The following RMND1 variants were observed in gnomAD, a reference collection of about 807,000 sequenced individuals.
RMND1 encodes the protein required for meiotic nuclear division protein 1 homolog.
A neutral mutation model predicts 54.0 loss-of-function variants in RMND1; 41 were observed. The observed-to-expected ratio is 0.76, with a 90% CI of 0.59 to 0.98. The LOEUF is 0.98. RMND1 is among the 50% of genes least tolerant of loss of function. The probability of loss-of-function intolerance (pLI) is 0.00; values close to 1 mark genes in which losing one functional copy is unlikely to be tolerated. For synonymous variants in RMND1, 183 were observed against 181.7 expected (o/e 1.01, Z -0.06); for missense variants, 457 against 532.0 (o/e 0.86, Z 1.39).
rs1780181781 is a variant in RMND1 at position 151,422,548 on chromosome 6, A to G, written c.995T>C (p.Ile332Thr). The G allele has an allele frequency of 6.6e-7, 1 of 1,507,364 alleles. No homozygotes were observed. 93.4% of individuals were successfully genotyped at this position (1,507,364 alleles called of 1,614,324 possible). ...TAAAATTGATATAATTACCTCAGGA[A>G]TTGACTGAATAGATTCAATAAATTT... ...LDKFIESIQS[I>T]PEALKAGKKV... The change falls in exon 8 of 12, where the codon ATT (isoleucine) becomes ACT (threonine). Residue 332 changes from isoleucine to threonine, a missense_variant. Ile to Thr is a moderately conservative substitution (Grantham distance 89). Transcript: ENST00000444024.
chr6:151,418,150 A>T (rs1203521429), intron 9 of RMND1, among the ~76,000 whole-genome samples: 1 of 152,106 alleles, frequency 6.6e-6, no homozygotes, highest in Non-Finnish European at 1.5e-5. Context: ...ATGGTGGTTC[A>T]TGCCTGTAAT....
chr6:151,434,539 A>G (rs1484684155), intron 3 of RMND1, among the ~76,000 whole-genome samples: 1 of 152,198 alleles, frequency 6.6e-6, no homozygotes. Context: ...TGTGAAGCAC[A>G]GACCACACAG....
chr6:151,416,114 G>A (rs983691939), intron 10 of RMND1, among the ~76,000 whole-genome samples: 3 of 151,842 alleles, frequency 2.0e-5, no homozygotes, highest in Non-Finnish European at 4.4e-5. Context: ...GAGTAGCTGG[G>A]ACTACAGGCA....
intron 10 of RMND1, chr6:151,417,047 A>G: frequency 5.3e-6 from 2 of 374,134 alleles, no homozygotes; most frequent in South Asian, 4.9e-5. Context: ...CTGATGGACC[A>G]TTAGGCTTCC....
intron 2 of RMND1, among the ~76,000 whole-genome samples, chr6:151,440,884 C>T (rs1231034824): frequency 2.6e-5 from 4 of 151,812 alleles, no homozygotes; most frequent in Non-Finnish European, 5.9e-5. Flanking sequence ...TTTATACATC[C>T]TTTTCTGGAT....
chr6:151,410,714 C>CAATTCAAACCTGAGT (rs1779803691), intron 10 of RMND1, among the ~76,000 whole-genome samples: 1 of 152,138 alleles, frequency 6.6e-6, no homozygotes, highest in Non-Finnish European at 1.5e-5. Flanking sequence ...TTGAATCACT[C>CAATTCAAACCTGAGT]AATTCAAACC....
chr6:151,404,987 G>A lies in RMND1; in HGVS notation c.*248C>T. On this transcript the variant is annotated 3_prime_UTR_variant, in exon 12 of 12. Transcript: ENST00000444024. The stretch of plus-strand genomic sequence containing the variant: ...AAGTTCAAGAGATTCTCCTGCCTCA[G>A]CCTCCTGAGTAGCTGAGATGACGGG... 2.6e-6 allele frequency: 1 copy of A among 391,214 alleles called. No homozygotes were observed. Among genetic ancestry groups the A allele is most frequent in the East Asian group, 5.7e-5 (1 of 17,480 alleles). 24.2% of individuals were successfully genotyped at this position (391,214 alleles called of 1,614,324 possible).
At chr6:151,439,820 C>A (rs1222675951) in intron 2 of RMND1, among the ~76,000 whole-genome samples, 1 of 151,710 alleles carries the variant, frequency 6.6e-6, no homozygotes, top group African/African-American at 2.4e-5. Flanking sequence ...CCACCACGCC[C>A]AGCTAATTTT....
intron 4 of RMND1, among the ~76,000 whole-genome samples, chr6:151,432,373 G>T (rs1038909884): frequency 6.6e-6 from 1 of 152,070 alleles, no homozygotes; most frequent in Non-Finnish European, 1.5e-5. Flanking sequence ...CTAAAGATGG[G>T]GTCAAAAGGA....
chr6:151,407,544 A>G (rs1428507810), intron 10 of RMND1, among the ~76,000 whole-genome samples: 1 of 152,134 alleles, frequency 6.6e-6, no homozygotes, highest in Non-Finnish European at 1.5e-5. Flanking sequence ...CCCAAAGTCT[A>G]TTATTAAGTC....
intron 2 of RMND1, chr6:151,436,763 G>A: frequency 2.3e-6 from 1 of 439,740 alleles, no homozygotes. Context: ...AAAAGAACTT[G>A]CTCCCTCCCG....
rs768287184 is a variant in RMND1, at chr6:151,421,201, T to G, written c.1079+44A>C. ...GAACTATGGGAATGTTTTCTTGAGA[T>G]TGTTAAATATATGAAATATTTTATT... On this transcript the variant is annotated intron_variant, in intron 9 of 11. Transcript: ENST00000444024. The G allele has an allele frequency of 2.2e-6, 3 of 1,348,842 alleles. No homozygotes were observed. The African/African-American group carries it at 4.4e-5, about 20-fold the overall frequency. The allele number at this position is 1,348,842 out of a possible 1,614,324, so 83.6% of individuals were successfully genotyped here.
intron 1 of RMND1, among the ~76,000 whole-genome samples, chr6:151,447,664 T>G (rs1310535455): frequency 6.6e-6 from 1 of 152,218 alleles, no homozygotes; most frequent in African/African-American, 2.4e-5. Context: ...CATTCTGTGC[T>G]TCATTCTAGT....
Position 151,422,588 on chromosome 6 carries a change from C to A in RMND1, c.955G>T (p.Glu319Ter). 1 of 1,531,796 alleles carries A rather than the reference C, an allele frequency of 6.5e-7. No individual in the cohort carries two copies. Among genetic ancestry groups the A allele is most frequent in the Non-Finnish European group, 8.9e-7 (1 of 1,128,150 alleles). 94.9% of individuals were successfully genotyped at this position (1,531,796 alleles called of 1,614,324 possible). ...LCLSVKLAIW[E>*]ASLDKFIESI... ...TCAATAAATTTATCCAGTGATGCTT[C>A]CCAAATTGCCAGTTTTACTGGGAAA... is the stretch of plus-strand genomic sequence containing the variant. Residue 319 changes from glutamate to a stop codon, truncating the protein, a stop_gained, in exon 8 of 12, where the codon GAA becomes TAA. Transcript: ENST00000444024. LOFTEE classifies it high-confidence loss of function.
chr6:151,442,438 G>T (rs994027736), intron 2 of RMND1, among the ~76,000 whole-genome samples: 5 of 152,156 alleles, frequency 3.3e-5, no homozygotes, highest in Non-Finnish European at 7.3e-5. Flanking sequence ...CATTCTCCCT[G>T]GTGTCGGGCT....
intron 10 of RMND1, among the ~76,000 whole-genome samples, chr6:151,407,610 AAGC>A (rs1455246032): frequency 2.6e-5 from 4 of 152,136 alleles, no homozygotes; most frequent in Admixed American, 6.5e-5. Context: ...TGAAATGTGC[AAGC>A]AAGAGTCCCT....
At chr6:151,447,891 G>A (rs1781005457) in intron 1 of RMND1, among the ~76,000 whole-genome samples, 1 of 142,600 alleles carries the variant, frequency 7.0e-6, no homozygotes, top group Admixed American at 7.5e-5. Flanking sequence ...TCAGCTCACT[G>A]CAACCTCCGC....
chr6:151,416,664 T>A (rs1233864860), intron 10 of RMND1: 1 of 152,132 alleles, frequency 6.6e-6, no homozygotes, highest in South Asian at 2.1e-4. Flanking sequence ...CCTCAGGTGA[T>A]CCATCCGCCT....
intron 2 of RMND1, among the ~76,000 whole-genome samples, chr6:151,441,697 G>A (rs541137796): frequency 9.2e-5 from 14 of 152,154 alleles, no homozygotes; most frequent in Non-Finnish European, 1.8e-4. Flanking sequence ...CCATGTGCCA[G>A]GAGGGTGGCA....
Sources: gnomAD v4.1 joint callset for allele counts (sites outside exome capture counted in the v4.1 genomes callset) on GRCh38, gnomAD v4.1.1 for gene constraint, MANE v1.5 for transcripts, NCBI Gene and HGNC (gene_info 2026-07-23, HGNC 2026-07-21) for gene names.